CPLX1: variants seen among roughly 807,000 people sequenced by gnomAD.
The protein encoded by CPLX1 is complexin-1.
Under a neutral mutation model 15.6 loss-of-function variants are expected in CPLX1, and 6 were observed. That is an observed-to-expected ratio of 0.39 (90% CI 0.21 to 0.76). The LOEUF is 0.76. Among genes scored for constraint, CPLX1 ranks in the 30% least tolerant of loss-of-function variants. CPLX1 has a pLI of 0.43. For synonymous variants in CPLX1, 91 were observed against 75.2 expected (o/e 1.21, Z -1.08); for missense variants, 242 against 188.6 (o/e 1.28, Z -1.66).
chr4:788,253 A>T (rs1746060916), intron 3 of CPLX1: 1 of 984,884 alleles, frequency 1.0e-6, no homozygotes. Context: ...TCCCAAATGG[A>T]GGGGGGGCTG....
chr4:807,176 G>A (rs1746570617), intron 2 of CPLX1, among the ~76,000 whole-genome samples: 1 of 152,242 alleles, frequency 6.6e-6, no homozygotes, highest in African/African-American at 2.4e-5. Context: ...CCTTTGCAGG[G>A]ATAGGAATGG....
At position 786,669 on chromosome 4, in the gene CPLX1, C is replaced by A; in HGVS notation, c.237G>T (p.Glu79Asp). 1 of 1,610,524 alleles carries A rather than the reference C, an allele frequency of 6.2e-7. No individual in the cohort carries two copies. ...CCTCCATGGCGGCCTGGGCCTCGGC[C>A]TCGCGCTCCTCCTTCTTCTTGATGC... ...KYGIKKKEER[E>D]AEAQAAMEAN... Residue 79 changes from glutamate (E) to aspartate (D), a missense_variant, in exon 4 of 4, where the codon GAG (glutamate) becomes GAT (aspartate). Physicochemically the swap from Glu to Asp is conservative, Grantham distance 45. Coordinates refer to ENST00000304062, the MANE Select transcript of CPLX1 (RefSeq NM_006651.4).
intron 2 of CPLX1, among the ~76,000 whole-genome samples, chr4:802,608 G>A (rs1577476665): frequency 1.3e-5 from 2 of 152,270 alleles, no homozygotes; most frequent in South Asian, 2.1e-4. Flanking sequence ...AAACAAGGAC[G>A]TAAGTAACCC....
intron 2 of CPLX1, among the ~76,000 whole-genome samples, chr4:822,499 C>A (rs1746890947): frequency 6.6e-6 from 1 of 152,108 alleles, no homozygotes; most frequent in Non-Finnish European, 1.5e-5. Flanking sequence ...ATAACACATT[C>A]TTGTCTTTTT....
At chr4:818,944 T>C (rs1746811642) in intron 2 of CPLX1, among the ~76,000 whole-genome samples, 2 of 152,244 alleles carry the variant, frequency 1.3e-5, no homozygotes, top group African/African-American at 4.8e-5. Flanking sequence ...AGGCACTCAG[T>C]GTCCCCCTCG....
At chr4:787,713 C>G (rs1746043309) in intron 3 of CPLX1, 1 of 984,962 alleles carries the variant, frequency 1.0e-6, no homozygotes, top group African/African-American at 1.7e-5. Context: ...CTCCAGGCCT[C>G]TAAGTTTTTG....
intron 2 of CPLX1, among the ~76,000 whole-genome samples, chr4:800,320 T>C (rs1328696176): frequency 6.6e-6 from 1 of 152,090 alleles, no homozygotes; most frequent in Non-Finnish European, 1.5e-5. Flanking sequence ...TGAGAGAATA[T>C]ATTTGCAAAC....
At chr4:801,413 CAA>C in intron 2 of CPLX1, among the ~76,000 whole-genome samples, 1 of 152,104 alleles carries the variant, frequency 6.6e-6, no homozygotes, top group East Asian at 1.9e-4. Context: ...TTAAAGTGGA[CAA>C]AAGACATTTC....
chr4:812,232 G>A (rs949404883), intron 2 of CPLX1, among the ~76,000 whole-genome samples: 2 of 151,804 alleles, frequency 1.3e-5, no homozygotes, highest in Non-Finnish European at 2.9e-5. Context: ...CCGCCACCAC[G>A]CCCCGCTAAA....
chr4:802,743 T>G (rs77087499), intron 2 of CPLX1, among the ~76,000 whole-genome samples: 10 of 150,998 alleles, frequency 6.6e-5, no homozygotes, highest in Non-Finnish European at 1.5e-4. Flanking sequence ...AGGTCAGGAG[T>G]TTGAGACCAG....
chr4:810,587 G>C (rs1746649568), intron 2 of CPLX1, among the ~76,000 whole-genome samples: 1 of 152,174 alleles, frequency 6.6e-6, no homozygotes, highest in Non-Finnish European at 1.5e-5. Context: ...GTGTCCCCGT[G>C]ACCAGCACTG....
At chr4:788,936 G>A (rs1286495560) in intron 3 of CPLX1, among the ~76,000 whole-genome samples, 1 of 152,242 alleles carries the variant, frequency 6.6e-6, no homozygotes, top group Non-Finnish European at 1.5e-5. Context: ...CCCAGGTCAG[G>A]GGAGTGACCC....
In CPLX1 at chr4:792,666, T is replaced by C. The variant is rs1746219975; in HGVS notation, c.32-58A>G. 1.9e-6 allele frequency: 3 copies of C among 1,540,424 alleles called. No individual in the cohort carries two copies. The South Asian group carries it at 3.6e-5, about 19-fold the overall frequency. On this transcript the variant is annotated intron_variant, in intron 2 of 3. Transcript: ENST00000304062. ...ATTCAGATGTCCAGGGCCGGGCTAG[T>C]GTCTCAGCCACACTCCCCCACCTTC...
intron 2 of CPLX1, among the ~76,000 whole-genome samples, chr4:809,972 C>G (rs1446757899): frequency 1.3e-5 from 2 of 152,122 alleles, no homozygotes; most frequent in Non-Finnish European, 2.9e-5. Context: ...TGTGGATGCA[C>G]ACGGCTCCTT....
At chr4:800,014 C>G (rs571484510) in intron 2 of CPLX1, among the ~76,000 whole-genome samples, 2 of 152,182 alleles carry the variant, frequency 1.3e-5, no homozygotes, top group East Asian at 1.9e-4. Flanking sequence ...CCTGGACTTG[C>G]GACTGGTGGG....
At chr4:813,823 C>T (rs1046053929) in intron 2 of CPLX1, among the ~76,000 whole-genome samples, 6 of 152,144 alleles carry the variant, frequency 3.9e-5, no homozygotes, top group Non-Finnish European at 5.9e-5. Context: ...GCATAAAAGC[C>T]AGCTCGCCAC....
chr4:816,369 C>T (rs1459045842), intron 2 of CPLX1, among the ~76,000 whole-genome samples: 5 of 151,932 alleles, frequency 3.3e-5, no homozygotes, highest in African/African-American at 1.2e-4. Flanking sequence ...CAGGCGCCCA[C>T]CACCACACCC....
At position 785,796 on chromosome 4, in the gene CPLX1, A is replaced by T. The variant is rs1291203904; in HGVS notation, c.*705T>A. On this transcript the variant is annotated 3_prime_UTR_variant, in exon 4 of 4. Coordinates refer to ENST00000304062, the MANE Select transcript of CPLX1 (RefSeq NM_006651.4). ...CAGCAGCCGCGTGGGCGGAGAGGCT[A>T]GGAGGCCGGGCGGGGGGCGAGGACT... 1.3e-5 allele frequency: 2 copies of T among 149,108 alleles called. No homozygotes were observed. Among genetic ancestry groups the T allele is most frequent in the Non-Finnish European group, 1.5e-5 (1 of 67,362 alleles). 9.2% of individuals were successfully genotyped at this position (149,108 alleles called of 1,614,324 possible). A position where few individuals can be genotyped will look rare whatever the true frequency, so the allele number is the denominator to read the frequency against.
chr4:796,084 C>G (rs1056147049), intron 2 of CPLX1, among the ~76,000 whole-genome samples: 3 of 152,192 alleles, frequency 2.0e-5, no homozygotes, highest in African/African-American at 7.2e-5. Context: ...AGGTCAAAAC[C>G]CTGCCCAGGG....
Sources: allele counts gnomAD v4.1 joint callset (sites outside exome capture counted in the v4.1 genomes callset), GRCh38; gene constraint gnomAD v4.1.1; transcripts MANE v1.5; gene names NCBI Gene and HGNC (gene_info 2026-07-23, HGNC 2026-07-21).